The following SGCZ variants were observed in gnomAD, a reference collection of about 807,000 sequenced individuals.
The protein encoded by SGCZ is sarcoglycan zeta.
In SGCZ, 40 loss-of-function variants were observed where a neutral mutation model predicts 41.3. The observed-to-expected ratio is 0.97, with a 90% CI of 0.75 to 1.26. The LOEUF (loss-of-function observed/expected upper bound fraction) is 1.26, where lower values mean the gene tolerates loss of function less well. Among genes scored for constraint, SGCZ ranks in the 50% most tolerant of loss-of-function variants. The pLI is 0.00. For missense variants in SGCZ, 552 were observed against 369.8 expected (o/e 1.49, Z -4.04); for synonymous variants, 206 against 137.5 (o/e 1.50, Z -3.49).
At chr8:15,077,217 G>C (rs149500453) in intron 1 of SGCZ, among the ~76,000 whole-genome samples, 216 of 152,188 alleles carry the variant, frequency 1.4e-3, no homozygotes, top group African/African-American at 4.7e-3. Flanking sequence ...CATTACAATG[G>C]CTTCAGTGTT....
chr8:15,211,571 G>A (rs1355899609), intron 1 of SGCZ, among the ~76,000 whole-genome samples: 1 of 151,990 alleles, frequency 6.6e-6, no homozygotes, highest in African/African-American at 2.4e-5. Context: ...TTGCCACACC[G>A]ACTACATATT....
intron 1 of SGCZ, among the ~76,000 whole-genome samples, chr8:14,759,073 A>G (rs1302158133): frequency 6.6e-6 from 1 of 152,102 alleles, no homozygotes; most frequent in Non-Finnish European, 1.5e-5. Flanking sequence ...TTAAAATGCA[A>G]CTGTATGGGG....
intron 1 of SGCZ, among the ~76,000 whole-genome samples, chr8:15,195,722 G>A (rs920629765): frequency 4.0e-5 from 6 of 151,878 alleles, no homozygotes; most frequent in African/African-American, 1.2e-4. Flanking sequence ...TATAATACTC[G>A]GTCTTACGAC....
intron 1 of SGCZ, among the ~76,000 whole-genome samples, chr8:14,761,782 C>T (rs955708472): frequency 6.6e-6 from 1 of 152,016 alleles, no homozygotes; most frequent in African/African-American, 2.4e-5. Flanking sequence ...ACTTCGGCCT[C>T]CAAAACTGCT....
At chr8:14,164,010 T>A (rs1047638243) in intron 5 of SGCZ, among the ~76,000 whole-genome samples, 1 of 152,194 alleles carries the variant, frequency 6.6e-6, no homozygotes, top group African/African-American at 2.4e-5. Flanking sequence ...CCAATCCTGG[T>A]CCCACTTTTA....
chr8:14,357,828 T>C (rs564827102), intron 2 of SGCZ, among the ~76,000 whole-genome samples: 1 of 152,174 alleles, frequency 6.6e-6, no homozygotes, highest in African/African-American at 2.4e-5. Context: ...GAGAAACTGG[T>C]ATTTTCTTGC....
At chr8:14,325,767 T>C (rs1467336206) in intron 2 of SGCZ, among the ~76,000 whole-genome samples, 7,230 of 81,092 alleles carry the variant, frequency 0.089, 404 homozygotes, top group African/African-American at 0.28. Context: ...TATATATATA[T>C]ATATATATAT....
chr8:14,208,526 G>A (rs1217898752), intron 4 of SGCZ, among the ~76,000 whole-genome samples: 1 of 152,130 alleles, frequency 6.6e-6, no homozygotes, highest in African/African-American at 2.4e-5. Flanking sequence ...ATTGAAACAT[G>A]AAAATACACA....
chr8:14,609,033 ATG>A (rs1805844681), intron 1 of SGCZ, among the ~76,000 whole-genome samples: 1 of 152,144 alleles, frequency 6.6e-6, no homozygotes, highest in South Asian at 2.1e-4. Context: ...CTGCTCTTTC[ATG>A]TGTTTTGCAG....
At chr8:14,308,493 T>C (rs902148874) in intron 3 of SGCZ, among the ~76,000 whole-genome samples, 4 of 152,036 alleles carry the variant, frequency 2.6e-5, no homozygotes, top group Non-Finnish European at 5.9e-5. Context: ...CAAGCTTCAA[T>C]GCAGGGTACC....
At chr8:14,188,797 G>A (rs1223812288) in intron 4 of SGCZ, among the ~76,000 whole-genome samples, 2 of 134,200 alleles carry the variant, frequency 1.5e-5, no homozygotes, top group African/African-American at 2.7e-5. Flanking sequence ...CAGATTTCTT[G>A]TTTTTTTTTT....
chr8:14,990,267 A>G (rs1184727462), intron 1 of SGCZ, among the ~76,000 whole-genome samples: 1 of 152,218 alleles, frequency 6.6e-6, no homozygotes, highest in East Asian at 1.9e-4. Flanking sequence ...AACATAAAAA[A>G]GAAAATACCC....
rs890920683 is a variant in SGCZ at position 14,725,549 on chromosome 8, G to A, written c.40-170623C>T. Reference sequence around the variant, plus strand: ...GGGTGGAATCTACAAAAAATAATCAGAAGCAAGAAGAATGAGAATAAAAAT... The same window carrying A: ...GGGTGGAATCTACAAAAAATAATCAAAAGCAAGAAGAATGAGAATAAAAAT... On this transcript the variant is annotated intron_variant, in intron 1 of 7. Transcript: ENST00000382080. Among the ~76,000 whole-genome samples, 28 of 152,226 alleles carry A rather than the reference G, an allele frequency of 1.8e-4. 1 individual carries two copies. Among genetic ancestry groups the A allele is most frequent in the African/African-American group, 6.0e-4 (25 of 41,538 alleles).
chr8:14,918,934 G>A (rs899696762), intron 1 of SGCZ, among the ~76,000 whole-genome samples: 1 of 152,150 alleles, frequency 6.6e-6, no homozygotes, highest in South Asian at 2.1e-4. Context: ...ATATGTTTTG[G>A]TTAACAGCAT....
chr8:14,919,642 G>A (rs1585379205), intron 1 of SGCZ, among the ~76,000 whole-genome samples: 1 of 152,242 alleles, frequency 6.6e-6, no homozygotes, highest in East Asian at 1.9e-4. Flanking sequence ...ATCAAGCTGG[G>A]TGCGATGGCT....
intron 5 of SGCZ, among the ~76,000 whole-genome samples, chr8:14,150,417 AC>A (rs1200029625): frequency 6.6e-6 from 1 of 152,192 alleles, no homozygotes; most frequent in Non-Finnish European, 1.5e-5. Context: ...AAACAGGCAT[AC>A]AAAAAATGCT....
intron 1 of SGCZ, among the ~76,000 whole-genome samples, chr8:15,117,194 C>T (rs2116942095): frequency 6.6e-6 from 1 of 152,128 alleles, no homozygotes; most frequent in Middle Eastern, 3.4e-3. Flanking sequence ...CCCGTCTCTA[C>T]TAAAAATACA....
chr8:14,476,868 A>G (rs1178494193), intron 2 of SGCZ, among the ~76,000 whole-genome samples: 1 of 152,114 alleles, frequency 6.6e-6, no homozygotes, highest in Non-Finnish European at 1.5e-5. Context: ...CCTCCTTTAT[A>G]CACTTTCAGA....
At chr8:14,686,215 G>T (rs1419400596) in intron 1 of SGCZ, among the ~76,000 whole-genome samples, 2 of 151,948 alleles carry the variant, frequency 1.3e-5, no homozygotes, top group African/African-American at 4.8e-5. Flanking sequence ...GAAGTAATTT[G>T]GAATCTTGGC....
Sources: gnomAD v4.1 joint callset for allele counts (sites outside exome capture counted in the v4.1 genomes callset) on GRCh38, gnomAD v4.1.1 for gene constraint, MANE v1.5 for transcripts, NCBI Gene and HGNC (gene_info 2026-07-23, HGNC 2026-07-21) for gene names.